NT5C2: variants seen among roughly 807,000 people sequenced by gnomAD.
NT5C2 encodes cytosolic purine 5'-nucleotidase.
In NT5C2, 58 loss-of-function variants were observed where a neutral mutation model predicts 76.1. That is an observed-to-expected ratio of 0.76 (90% CI 0.62 to 0.95). NT5C2 has a LOEUF of 0.95. Ranked by LOEUF, NT5C2 falls within the 40% of genes least tolerant of loss-of-function variation. NT5C2 has a pLI of 0.00. For missense variants in NT5C2, 478 were observed against 690.3 expected (o/e 0.69, Z 3.45); for synonymous variants, 229 against 237.4 (o/e 0.96, Z 0.32).
chr10:103,142,828 C>T (rs931120996), intron 3 of NT5C2, among the ~76,000 whole-genome samples: 6 of 151,650 alleles, frequency 4.0e-5, no homozygotes, highest in Admixed American at 3.9e-4. Flanking sequence ...ACTAAAAATA[C>T]AAAAATTAGC....
At chr10:103,144,430 A>T (rs1040670784) in intron 3 of NT5C2, among the ~76,000 whole-genome samples, 1 of 152,230 alleles carries the variant, frequency 6.6e-6, no homozygotes, top group East Asian at 1.9e-4. Context: ...TGTTAATGTC[A>T]ATCAGTGCTT....
At chr10:103,111,447 A>G (rs12413046) in intron 4 of NT5C2, among the ~76,000 whole-genome samples, 13,486 of 152,202 alleles carry the variant, frequency 0.089, 840 homozygotes, top group East Asian at 0.28. Flanking sequence ...GATATTCTTT[A>G]CTCCATAATC....
chr10:103,190,907 A>G (rs1258087462), intron 1 of NT5C2, among the ~76,000 whole-genome samples: 21 of 152,242 alleles, frequency 1.4e-4, no homozygotes, highest in Non-Finnish European at 4.4e-5. Flanking sequence ...TTCTCTAAAT[A>G]CATGGACATC....
rs957400754 is a variant in NT5C2, at chr10:103,089,049, C to CTTTTCCCTCAAAATAGAA, written c.*605_*622dup. On this transcript the variant is annotated 3_prime_UTR_variant, in exon 19 of 19. Transcript: ENST00000404739. Reference sequence around the variant, plus strand: ...AAACAAAAGGTAATAAGGATACTGTCTTTTCCCTCAAAATAGAATCCTGCC... The same window carrying CTTTTCCCTCAAAATAGAA: ...AAACAAAAGGTAATAAGGATACTGTCTTTTCCCTCAAAATAGAATTTTCCCTCAAAATAGAATCCTGCC... The CTTTTCCCTCAAAATAGAA allele has an allele frequency of 9.2e-6, 2 of 218,230 alleles. No homozygotes were observed. Among genetic ancestry groups the CTTTTCCCTCAAAATAGAA allele is most frequent in the African/African-American group, 4.5e-5 (2 of 44,566 alleles). The allele number at this position is 218,230 out of a possible 1,614,324, so 13.5% of individuals were successfully genotyped here.
Position 103,159,048 on chromosome 10 carries a change from T to C in NT5C2, c.101+15810A>G, listed in dbSNP as rs149606855. Among the ~76,000 whole-genome samples, 866 of 152,116 alleles carry C rather than the reference T, an allele frequency of 5.7e-3. 4 individuals carry two copies. Among genetic ancestry groups the C allele is most frequent in the Middle Eastern group, 0.031 (9 of 294 alleles). ...AAAATCTAAAGAGATCTATCAGTAGTAAGGAGATTAAGTCAGTAATCAAAA... is the reference window on the plus strand; with the variant it reads ...AAAATCTAAAGAGATCTATCAGTAGCAAGGAGATTAAGTCAGTAATCAAAA... On this transcript the variant is annotated intron_variant, in intron 3 of 18. Transcript: ENST00000404739.
rs538509861 is a variant in NT5C2, at chr10:103,132,608, C to T, written c.175+6798G>A. ...ACCCAAGCTGGAGTGCACAGTGGCG[C>T]GATCTCGGCTCACTGTAAGCTCTGC... On this transcript the variant is annotated intron_variant, in intron 4 of 18. Coordinates refer to ENST00000404739, the MANE Select transcript of NT5C2 (RefSeq NM_001351169.2). Among the ~76,000 whole-genome samples the T allele has an allele frequency of 8.5e-5, 13 of 152,064 alleles. No individual in the cohort carries two copies. In the East Asian group the frequency reaches 2.3e-3, roughly 27 times the overall value.
intron 4 of NT5C2, among the ~76,000 whole-genome samples, chr10:103,109,414 C>T (rs1449082904): frequency 6.6e-6 from 1 of 152,150 alleles, no homozygotes; most frequent in African/African-American, 2.4e-5. Context: ...CTCAATGCCC[C>T]ATGCTCCCAC....
At chr10:103,165,220 G>A (rs1029678084) in intron 3 of NT5C2, among the ~76,000 whole-genome samples, 4 of 152,008 alleles carry the variant, frequency 2.6e-5, no homozygotes, top group Admixed American at 6.6e-5. Context: ...TCAGCCAGGC[G>A]CAATGGCTCA....
intron 3 of NT5C2, among the ~76,000 whole-genome samples, chr10:103,147,135 TCA>T (rs1164093981): frequency 5.3e-5 from 8 of 152,232 alleles, no homozygotes; most frequent in Non-Finnish European, 1.0e-4. Flanking sequence ...TGGTCCTCCC[TCA>T]CAGACAGTTT....
chr10:103,147,007 T>C (rs531959447), intron 3 of NT5C2, among the ~76,000 whole-genome samples: 353 of 152,370 alleles, frequency 2.3e-3, no homozygotes, highest in African/African-American at 7.4e-3. Flanking sequence ...ATTTTGTTTG[T>C]TGAATGTAGT....
In NT5C2 at chr10:103,093,329, A is replaced by G. The variant is rs967198858; in HGVS notation, c.989-20T>C. The G allele has an allele frequency of 2.0e-6, 3 of 1,521,250 alleles. No homozygotes were observed. Among genetic ancestry groups the G allele is most frequent in the Non-Finnish European group, 8.8e-7 (1 of 1,137,970 alleles). The allele number at this position is 1,521,250 out of a possible 1,614,324, so 94.2% of individuals were successfully genotyped here. ...AAGAACCTGAACCAACAGAGTGAACAATGAGAAAACTGTCCCTATATTAAA... is the reference window on the plus strand; with the variant it reads ...AAGAACCTGAACCAACAGAGTGAACGATGAGAAAACTGTCCCTATATTAAA... On this transcript the variant is annotated intron_variant, in intron 14 of 18. Coordinates refer to ENST00000404739, the MANE Select transcript of NT5C2 (RefSeq NM_001351169.2).
chr10:103,181,910 G>A (rs2091147003), intron 1 of NT5C2, among the ~76,000 whole-genome samples: 1 of 151,992 alleles, frequency 6.6e-6, no homozygotes, highest in South Asian at 2.1e-4. Flanking sequence ...GAGAAGCTGA[G>A]GCAGGAGAAT....
intron 3 of NT5C2, among the ~76,000 whole-genome samples, chr10:103,149,966 T>C (rs981296031): frequency 2.1e-5 from 3 of 146,058 alleles, no homozygotes; most frequent in Non-Finnish European, 4.5e-5. Flanking sequence ...GGAGCAACCA[T>C]ATTTTCCCAA....
chr10:103,118,844 AT>A (rs796947907), intron 4 of NT5C2, among the ~76,000 whole-genome samples: 11 of 149,138 alleles, frequency 7.4e-5, no homozygotes, highest in Middle Eastern at 3.5e-3. Flanking sequence ...TGGAGAGGGA[AT>A]TTTTTTTTTC....
At position 103,161,886 on chromosome 10, in the gene NT5C2, G is replaced by A. The variant is rs75212332; in HGVS notation, c.101+12972C>T. Among the ~76,000 whole-genome samples, 618 of 152,294 alleles carry A rather than the reference G, an allele frequency of 4.1e-3. 20 individuals carry two copies. The East Asian group carries it at 0.072, about 18-fold the overall frequency. Reference sequence around the variant, plus strand: ...GGCTGACACGGGCTGGAGAGAGAGGGAAACGTGGAGTGGACTACTAATGAG... The same window carrying A: ...GGCTGACACGGGCTGGAGAGAGAGGAAAACGTGGAGTGGACTACTAATGAG... On this transcript the variant is annotated intron_variant, in intron 3 of 18. Coordinates refer to ENST00000404739, the MANE Select transcript of NT5C2 (RefSeq NM_001351169.2).
rs756913240 is a variant in NT5C2, at chr10:103,089,776, T to C, written c.1582A>G (p.Ile528Val). The C allele has an allele frequency of 6.8e-6, 11 of 1,613,982 alleles. No individual in the cohort carries two copies. In the East Asian group the frequency reaches 1.3e-4, roughly 20 times the overall value. The part of the protein sequence containing the change: ...DYKRHQLTRS[I>V]SEIKPPNLFP... ...AGGTTGGGAGGTTTAATCTCACTAA[T>C]TGACCGTGTCAGCTGGTGCCGCTTG... is the stretch of plus-strand genomic sequence containing the variant. Residue 528 changes from isoleucine (I) to valine (V), a missense_variant, in exon 19 of 19, where the codon ATT (isoleucine) becomes GTT (valine). Transcript: ENST00000404739.
intron 3 of NT5C2, chr10:103,153,325 T>C: frequency 1.6e-6 from 2 of 1,281,692 alleles, no homozygotes; most frequent in South Asian, 1.3e-5. Flanking sequence ...CTACTTCCTC[T>C]GGATGAGAAT....
chr10:103,120,988 G>A (rs1222284723), intron 4 of NT5C2, among the ~76,000 whole-genome samples: 2 of 152,130 alleles, frequency 1.3e-5, no homozygotes, highest in Admixed American at 1.3e-4. Flanking sequence ...CTATAACATG[G>A]ACAAATTTAA....
At chr10:103,145,336 G>T (rs1161373637) in intron 3 of NT5C2, among the ~76,000 whole-genome samples, 1 of 152,112 alleles carries the variant, frequency 6.6e-6, no homozygotes, top group Non-Finnish European at 1.5e-5. Context: ...CTTCACTGAG[G>T]TTATAGCAAA....
Sources: gnomAD v4.1 joint callset for allele counts (sites outside exome capture counted in the v4.1 genomes callset) on GRCh38, gnomAD v4.1.1 for gene constraint, MANE v1.5 for transcripts, NCBI Gene and HGNC (gene_info 2026-07-23, HGNC 2026-07-21) for gene names.